The following UBAC2 variants were observed in gnomAD, a reference collection of about 807,000 sequenced individuals.
UBAC2 encodes ubiquitin-associated domain-containing protein 2.
Under a neutral mutation model 44.0 loss-of-function variants are expected in UBAC2, and 26 were observed. The ratio of observed to expected loss-of-function variants is 0.59; its 90% confidence interval spans 0.43 to 0.82. The LOEUF is 0.82. UBAC2 is among the 40% of genes least tolerant of loss of function. The probability of loss-of-function intolerance (pLI) is 0.00; values close to 1 mark genes in which losing one functional copy is unlikely to be tolerated. For synonymous variants in UBAC2, 155 were observed against 154.3 expected (o/e 1.00, Z -0.04); for missense variants, 329 against 419.4 (o/e 0.78, Z 1.88).
At chr13:99,263,961 T>C (rs920734607) in intron 4 of UBAC2, among the ~76,000 whole-genome samples, 1 of 152,224 alleles carries the variant, frequency 6.6e-6, no homozygotes, top group Non-Finnish European at 1.5e-5. Flanking sequence ...TGCTTAGGAT[T>C]TCATGCTTAG....
At chr13:99,360,592 C>G (rs957803250) in intron 7 of UBAC2, among the ~76,000 whole-genome samples, 3 of 152,172 alleles carry the variant, frequency 2.0e-5, no homozygotes, top group African/African-American at 7.2e-5. Flanking sequence ...TGCTTTGCTC[C>G]TTGAAGGCGG....
chr13:99,323,175 A>G (rs2044592235), intron 6 of UBAC2, among the ~76,000 whole-genome samples: 1 of 151,962 alleles, frequency 6.6e-6, no homozygotes, highest in African/African-American at 2.4e-5. Context: ...TTGCTTCTCC[A>G]TTGACCAAAG....
At chr13:99,304,975 G>A (rs2044310429) in intron 4 of UBAC2, among the ~76,000 whole-genome samples, 1 of 152,208 alleles carries the variant, frequency 6.6e-6, no homozygotes, top group South Asian at 2.1e-4. Context: ...GGGAATGGGA[G>A]CAGGGAGGAA....
intron 4 of UBAC2, among the ~76,000 whole-genome samples, chr13:99,278,109 G>A (rs1387450657): frequency 1.3e-5 from 2 of 152,076 alleles, no homozygotes; most frequent in African/African-American, 2.4e-5. Context: ...AGATAATTTC[G>A]GAAGCTAAGA....
intron 7 of UBAC2, among the ~76,000 whole-genome samples, chr13:99,358,642 C>T (rs901687756): frequency 5.3e-5 from 8 of 152,100 alleles, no homozygotes; most frequent in African/African-American, 1.7e-4. Context: ...AGGGGCTTGA[C>T]GAGATTTGTA....
In UBAC2 at chr13:99,255,147, G is replaced by A. The variant is rs764458382; in HGVS notation, c.389+10523G>A. On this transcript the variant is annotated intron_variant, in intron 4 of 8. Transcript: ENST00000403766. ...AGATGTGGAAGGGCATAAAGCAGAC[G>A]AGCACCTGCACCAGCAGCGTGATGA... 19 of 1,613,920 alleles carry A rather than the reference G, an allele frequency of 1.2e-5. No homozygotes were observed. In the Middle Eastern group the frequency reaches 4.9e-4, roughly 42 times the overall value.
In UBAC2 at chr13:99,216,082, TTGTGTGTGTGTG is replaced by T. The variant is rs3031384; in HGVS notation, c.31+15163_31+15174del. Among the ~76,000 whole-genome samples, 513 of 148,846 alleles carry T rather than the reference TTGTGTGTGTGTG, an allele frequency of 3.4e-3. 1 individual carries two copies. Among genetic ancestry groups the T allele is most frequent in the African/African-American group, 0.011 (441 of 40,410 alleles). ...CAATTACTTTTGTACCAACCTATATTTGTGTGTGTGTGTGTGTGTGTGTGTGTGTGTATTTTT... is the reference window on the plus strand; with the variant it reads ...CAATTACTTTTGTACCAACCTATATTTGTGTGTGTGTGTGTGTGTATTTTT... On this transcript the variant is annotated intron_variant, in intron 1 of 8. Coordinates refer to ENST00000403766, the MANE Select transcript of UBAC2 (RefSeq NM_001144072.2).
intron 6 of UBAC2, among the ~76,000 whole-genome samples, chr13:99,337,007 A>G (rs2044798990): frequency 6.6e-6 from 1 of 150,596 alleles, no homozygotes; most frequent in African/African-American, 2.5e-5. Flanking sequence ...ACACATAGTC[A>G]TCATCTTTGC....
chr13:99,260,078 A>G (rs2043637292), intron 4 of UBAC2, among the ~76,000 whole-genome samples: 1 of 152,060 alleles, frequency 6.6e-6, no homozygotes, highest in Non-Finnish European at 1.5e-5. Context: ...CCACTGTGGC[A>G]TTCCTCACCA....
chr13:99,296,577 A>T (rs947889092), intron 4 of UBAC2, among the ~76,000 whole-genome samples: 1 of 152,198 alleles, frequency 6.6e-6, no homozygotes, highest in Non-Finnish European at 1.5e-5. Flanking sequence ...TTGCTTTTAA[A>T]TTTAATTTCA....
At chr13:99,255,904 A>G in intron 4 of UBAC2, 1 of 1,502,624 alleles carries the variant, frequency 6.7e-7, no homozygotes, top group Non-Finnish European at 8.9e-7. Context: ...TGATACTTAG[A>G]AACTGTAAAA....
At chr13:99,325,781 C>T (rs2138794438) in intron 6 of UBAC2, among the ~76,000 whole-genome samples, 1 of 152,310 alleles carries the variant, frequency 6.6e-6, no homozygotes, top group Middle Eastern at 3.4e-3. Flanking sequence ...TAAGTGGAAT[C>T]ATGCAGTATT....
intron 1 of UBAC2, among the ~76,000 whole-genome samples, chr13:99,202,380 C>G (rs980651039): frequency 2.0e-5 from 3 of 152,126 alleles, no homozygotes; most frequent in African/African-American, 7.2e-5. Flanking sequence ...GCTGACAGTT[C>G]AAGAAGGCAA....
At chr13:99,246,418 GC>G (rs1389539472) in intron 4 of UBAC2, among the ~76,000 whole-genome samples, 1 of 152,218 alleles carries the variant, frequency 6.6e-6, no homozygotes, top group African/African-American at 2.4e-5. Context: ...GAAAGCAGCA[GC>G]ATTGCCAAAT....
chr13:99,381,911 G>A lies in UBAC2; in HGVS notation c.928-3317G>A, dbSNP rs531248235. The stretch of plus-strand genomic sequence containing the variant: ...ATTATCAAATAGATGGTTTGTGAAC[G>A]TTGAAAAGACAGCTGTGGTCTAGGA... On this transcript the variant is annotated intron_variant, in intron 8 of 8. Coordinates refer to ENST00000403766, the MANE Select transcript of UBAC2 (RefSeq NM_001144072.2). Among the ~76,000 whole-genome samples the A allele has an allele frequency of 9.8e-5, 15 of 152,360 alleles. No homozygotes were observed. In the South Asian group the frequency reaches 2.3e-3, roughly 23 times the overall value.
At position 99,358,155 on chromosome 13, in the gene UBAC2, G is replaced by A. The variant is rs181794403; in HGVS notation, c.808-9632G>A. On this transcript the variant is annotated intron_variant, in intron 7 of 8. Transcript: ENST00000403766. ...CAGCAGGAGTAGAGAATGTGAGGGC[G>A]GTGTTGTGAGAAAGTGACTCCAGTG... Among the ~76,000 whole-genome samples the A allele has an allele frequency of 1.1e-3, 168 of 152,230 alleles. 3 individuals carry two copies. In the Middle Eastern group the frequency reaches 0.014, roughly 12 times the overall value.
intron 4 of UBAC2, among the ~76,000 whole-genome samples, chr13:99,265,401 G>C (rs990479860): frequency 6.6e-6 from 1 of 152,172 alleles, no homozygotes; most frequent in South Asian, 2.1e-4. Flanking sequence ...TTGGAAAAAA[G>C]GTTCTCAGAC....
At chr13:99,371,282 TG>T (rs1207134136) in intron 8 of UBAC2, among the ~76,000 whole-genome samples, 1 of 152,222 alleles carries the variant, frequency 6.6e-6, no homozygotes, top group Non-Finnish European at 1.5e-5. Context: ...TACGAGAAGT[TG>T]TAAAAACATG....
chr13:99,366,791 TC>T (rs778477617), intron 7 of UBAC2, among the ~76,000 whole-genome samples: 41 of 152,114 alleles, frequency 2.7e-4, no homozygotes, highest in Non-Finnish European at 1.8e-4. Context: ...GGGCCTCTGC[TC>T]CCCCGTCTCC....
Sources: allele counts gnomAD v4.1 joint callset (sites outside exome capture counted in the v4.1 genomes callset), GRCh38; gene constraint gnomAD v4.1.1; transcripts MANE v1.5; gene names NCBI Gene and HGNC (gene_info 2026-07-23, HGNC 2026-07-21).